Variants in COL5A1 observed in about 807,000 individuals in gnomAD.
COL5A1 encodes the protein collagen type V alpha 1 chain.
COL5A1 carries 16 observed loss-of-function variants against 263.7 expected under a neutral mutation model. The ratio of observed to expected loss-of-function variants is 0.06; its 90% CI spans 0.04 to 0.09. The LOEUF is 0.09. COL5A1 is among the 10% of genes least tolerant of loss of function. The probability of loss-of-function intolerance (pLI) is 1.00; values close to 1 mark genes in which losing one functional copy is unlikely to be tolerated. For synonymous variants in COL5A1, 1,012 were observed against 1,004.5 expected (o/e 1.01, Z -0.14); for missense variants, 2,036 against 2,540.5 (o/e 0.80, Z 4.27).
chr9:134,798,390 C>T lies in COL5A1; in HGVS notation c.2899-18C>T. Reference sequence around the variant, plus strand: ...CTCAGACACGAATGAACCTCCTTTCCTTTGGTTTTTTCTTCAGGGCCCTCC... The same window carrying T: ...CTCAGACACGAATGAACCTCCTTTCTTTTGGTTTTTTCTTCAGGGCCCTCC... On this transcript the variant is annotated intron_variant, in intron 36 of 65. Transcript: ENST00000371817. 6.2e-7 allele frequency: 1 copy of T among 1,613,834 alleles called. No homozygotes were observed. The highest frequency in any genetic ancestry group is 8.5e-7 in the Non-Finnish European group (1 of 1,179,728).
In COL5A1 at chr9:134,821,115, C is replaced by T. The variant is rs769275232; in HGVS notation, c.4554+892C>T. ...CATGCCATTGACTGTTTTCCTCTGC[C>T]GGTATCCCCAGGCCACAGCAGGGTC... is the stretch of plus-strand genomic sequence containing the variant. On this transcript the variant is annotated intron_variant, in intron 58 of 65. Transcript: ENST00000371817. This position sits in a 1 kb window ranked among gnomAD's most constrained non-coding sequence, Gnocchi z 4.2. Among the ~76,000 whole-genome samples, 4 of 152,106 alleles carry T rather than the reference C, an allele frequency of 2.6e-5. No individual in the cohort carries two copies. Among genetic ancestry groups the T allele is most frequent in the Admixed American group, 2.0e-4 (3 of 15,276 alleles).
chr9:134,643,252 T>C (rs1388579093), intron 1 of COL5A1, among the ~76,000 whole-genome samples: 1 of 151,268 alleles, frequency 6.6e-6, no homozygotes, highest in Non-Finnish European at 1.5e-5. Context: ...CTCTCGAACA[T>C]CAGAGCCCCC....
Position 134,754,374 on chromosome 9 carries a change from G to C in COL5A1, c.1827+48G>C. 1 of 1,607,906 alleles carries C rather than the reference G, an allele frequency of 6.2e-7. No homozygotes were observed. The highest frequency in any genetic ancestry group is 2.2e-5 in the East Asian group (1 of 44,844). ...GTTTAGTGACAGCAGCTTGGGCGCT[G>C]GAGGAGCCCAAATCTGGGGTGCGGG... is the stretch of plus-strand genomic sequence containing the variant. On this transcript the variant is annotated intron_variant, in intron 16 of 65. Transcript: ENST00000371817. This position sits in a 1 kb window ranked among gnomAD's most constrained non-coding sequence, Gnocchi z 4.3.
intron 34 of COL5A1, 143 bp from the exon 35 acceptor site, chr9:134,796,231 C>T: frequency 1.1e-6 from 1 of 870,484 alleles, no homozygotes; most frequent in South Asian, 1.3e-5. Flanking sequence ...ATGCCTTCTG[C>T]CCCTTACTGA....
At chr9:134,808,087 G>A (rs963840107) in intron 42 of COL5A1, among the ~76,000 whole-genome samples, 4 of 152,188 alleles carry the variant, frequency 2.6e-5, no homozygotes, top group Non-Finnish European at 5.9e-5. Flanking sequence ...CTTAAGTAGG[G>A]TAGACATTTC....
chr9:134,666,741 C>T (rs555013027), intron 1 of COL5A1, among the ~76,000 whole-genome samples: 3 of 152,256 alleles, frequency 2.0e-5, no homozygotes, highest in South Asian at 4.1e-4. Flanking sequence ...CTTCTGCCAG[C>T]GGGTATGGGG....
In COL5A1 at chr9:134,818,627, A is replaced by T. The variant is rs533622749; in HGVS notation, c.4231-29A>T. The T allele has an allele frequency of 6.4e-7, 1 of 1,555,178 alleles. No individual in the cohort carries two copies. Among genetic ancestry groups the T allele is most frequent in the Admixed American group, 1.7e-5 (1 of 58,344 alleles). On this transcript the variant is annotated intron_variant, in intron 54 of 65. Transcript: ENST00000371817. This position sits in a 1 kb window ranked among gnomAD's most constrained non-coding sequence, Gnocchi z 6.0. Reference sequence around the variant, plus strand: ...GGGTGCCTGGAGCCTAGAGCTCCGGACCTCATTCTGCCCTCCGCCGTCCTG... The same window carrying T: ...GGGTGCCTGGAGCCTAGAGCTCCGGTCCTCATTCTGCCCTCCGCCGTCCTG...
Position 134,742,881 on chromosome 9 carries a change from G to A in COL5A1, c.1494+4073G>A, listed in dbSNP as rs577931900. On this transcript the variant is annotated intron_variant, in intron 11 of 65. Transcript: ENST00000371817. The surrounding 1 kb of genome is among the most constrained non-coding windows in gnomAD (Gnocchi z 4.6). The stretch of plus-strand genomic sequence containing the variant: ...AGCGAAGCCCTTCCCTGGGCTCCTC[G>A]GGCAGGTGGGGGAAGGAGAGGGCTG... Among the ~76,000 whole-genome samples the A allele has an allele frequency of 3.3e-5, 5 of 152,294 alleles. No individual in the cohort carries two copies. In the East Asian group the frequency reaches 7.7e-4, roughly 24 times the overall value.
chr9:134,658,841 C>T (rs948393740), intron 1 of COL5A1, among the ~76,000 whole-genome samples: 5 of 152,282 alleles, frequency 3.3e-5, no homozygotes, highest in East Asian at 1.9e-4. Context: ...AAGGTCTCTC[C>T]GGAGCCCGGA....
Position 134,817,821 on chromosome 9 carries a change from A to G in COL5A1, c.4220A>G (p.Lys1407Arg). The G allele has an allele frequency of 6.2e-7, 1 of 1,608,542 alleles. No individual in the cohort carries two copies. Among genetic ancestry groups the G allele is most frequent in the Admixed American group, 1.7e-5 (1 of 59,270 alleles). Reference protein sequence around the residue: ...PAGPEGRQGEKGAKGEAGLEG... With the variant: ...PAGPEGRQGERGAKGEAGLEG... ...GGCCCCGAAGGCAGACAGGGAGAGA[A>G]AGGGGCCAAGGTAACGTGTTTTGGA... Residue 1407 changes from lysine (K) to arginine (R), a missense_variant, in exon 54 of 66, where the codon AAA (lysine) becomes AGA (arginine). Physicochemically the swap from Lys to Arg is conservative, Grantham distance 26. Around this residue, in one of 3 missense-constraint regions of COL5A1, gnomAD observed 1,078 missense variants for 1,521.4 expected, o/e 0.71. Coordinates refer to ENST00000371817, the MANE Select transcript of COL5A1 (RefSeq NM_000093.5).
At position 134,647,605 on chromosome 9, in the gene COL5A1, C is replaced by G. The variant is rs1172789062; in HGVS notation, c.109+5309C>G. 6.6e-6 allele frequency among the ~76,000 whole-genome samples: 1 copy of G among 152,182 alleles called. No homozygotes were observed. Among genetic ancestry groups the G allele is most frequent in the Admixed American group, 6.5e-5 (1 of 15,290 alleles). On this transcript the variant is annotated intron_variant, in intron 1 of 65. Coordinates refer to ENST00000371817, the MANE Select transcript of COL5A1 (RefSeq NM_000093.5). The surrounding 1 kb of genome is among the most constrained non-coding windows in gnomAD (Gnocchi z 5.0). ...GGCAGGGCGACGTTTCTCTCCTTAC[C>G]GTGACCCGGCCCCAGCTGGACGGGA...
chr9:134,778,115 G>A (rs1351850496), intron 27 of COL5A1, among the ~76,000 whole-genome samples: 1 of 152,232 alleles, frequency 6.6e-6, no homozygotes, highest in Admixed American at 6.5e-5. Flanking sequence ...GTGGTGAGAC[G>A]GCAGGTGGTT....
intron 51 of COL5A1, 142 bp downstream of exon 51, chr9:134,815,771 G>A (rs982089394): frequency 7.1e-5 from 87 of 1,229,460 alleles, no homozygotes; most frequent in Admixed American, 7.8e-5. Context: ...CTCGTGTTCC[G>A]GTGATCAGAG....
At chr9:134,756,934 T>C (rs981181619) in intron 17 of COL5A1, 116 bp downstream of exon 17, 1 of 1,015,450 alleles carries the variant, frequency 9.8e-7, no homozygotes. Context: ...GACAGGTGGC[T>C]CCGTCACTGG....
intron 42 of COL5A1, among the ~76,000 whole-genome samples, chr9:134,807,384 C>T (rs766887957): frequency 6.6e-6 from 1 of 152,186 alleles, no homozygotes; most frequent in Non-Finnish European, 1.5e-5. Flanking sequence ...ACCTCCACCT[C>T]CTGGGTTCAA....
intron 27 of COL5A1, among the ~76,000 whole-genome samples, chr9:134,775,320 C>T (rs1381486294): frequency 1.3e-5 from 2 of 152,372 alleles, no homozygotes; most frequent in Non-Finnish European, 2.9e-5. Flanking sequence ...TGGGGAAGCT[C>T]GGAAACATTT....
chr9:134,752,976 G>A, intron 14 of COL5A1, among the ~76,000 whole-genome samples: 1 of 152,092 alleles, frequency 6.6e-6, no homozygotes, highest in South Asian at 2.1e-4. Flanking sequence ...AGAGGAGGAG[G>A]CCCCTCCTCA....
intron 1 of COL5A1, among the ~76,000 whole-genome samples, chr9:134,679,529 G>T: frequency 2.3e-5 from 2 of 87,458 alleles, no homozygotes; most frequent in African/African-American, 1.1e-4. Context: ...CTGCAGGGCT[G>T]GTTGGGGGCA....
intron 28 of COL5A1, among the ~76,000 whole-genome samples, chr9:134,780,377 T>G (rs943148817): frequency 3.9e-5 from 6 of 152,164 alleles, no homozygotes; most frequent in African/African-American, 1.4e-4. Context: ...CTAGCAGAGC[T>G]GAGTGGGTCC....
Sources: gnomAD v4.1 joint callset for allele counts (sites outside exome capture counted in the v4.1 genomes callset) on GRCh38, gnomAD v4.1.1 for gene constraint, gnomAD v4.1.1 regional missense constraint, Gnocchi (gnomAD v3.1) non-coding constraint, MANE v1.5 for transcripts, NCBI Gene and HGNC (gene_info 2026-07-23, HGNC 2026-07-21) for gene names.